SSBP3: variants seen among roughly 807,000 people sequenced by gnomAD.
The protein encoded by SSBP3 is single-stranded DNA-binding protein 3.
A neutral mutation model predicts 69.6 loss-of-function variants in SSBP3; 5 were observed. The observed-to-expected ratio is 0.07, with a 90% CI of 0.04 to 0.15. The LOEUF (loss-of-function observed/expected upper bound fraction) is 0.15, where lower values mean the gene tolerates loss of function less well. Ranked by LOEUF, SSBP3 falls within the 10% of genes least tolerant of loss-of-function variation. SSBP3 has a pLI of 1.00. For missense variants in SSBP3, 312 were observed against 534.0 expected (o/e 0.58, Z 4.10); for synonymous variants, 196 against 193.4 (o/e 1.01, Z -0.11).
intron 17 of SSBP3, 26 bp from the exon 18 acceptor site, chr1:54,227,186 G>GT (rs141516563): frequency 5.2e-6 from 6 of 1,143,782 alleles, no homozygotes; most frequent in African/African-American, 1.6e-5. Flanking sequence ...AGAGAAGGGG[G>GT]GGGGGTGAGG....
intron 4 of SSBP3, among the ~76,000 whole-genome samples, chr1:54,293,401 G>A (rs940538169): frequency 1.3e-5 from 2 of 152,142 alleles, no homozygotes; most frequent in Admixed American, 6.5e-5. Context: ...AAACAAACAC[G>A]GGACTTCTCA....
chr1:54,312,675 A>T (rs1443808998), intron 4 of SSBP3, among the ~76,000 whole-genome samples: 1 of 152,142 alleles, frequency 6.6e-6, no homozygotes, highest in Non-Finnish European at 1.5e-5. Flanking sequence ...CTGTATCCTT[A>T]AGGCTCCCAC....
At position 54,299,261 on chromosome 1, in the gene SSBP3, G is replaced by A. The variant is rs184214826; in HGVS notation, c.277-17734C>T. Among the ~76,000 whole-genome samples the A allele has an allele frequency of 5.9e-5, 9 of 152,206 alleles. No homozygotes were observed. The East Asian group carries it at 1.4e-3, about 23-fold the overall frequency. On this transcript the variant is annotated intron_variant, in intron 4 of 17. Transcript: ENST00000610401. ...TTGCTGCAAGACACTGGTATTTTCC[G>A]CTCCACTTGCCAAGAATGGAGCCAC...
chr1:54,228,916 T>TG, intron 14 of SSBP3, 90 bp from the exon 15 acceptor site: 1 of 1,369,462 alleles, frequency 7.3e-7, no homozygotes, highest in Non-Finnish European at 1.0e-6. Flanking sequence ...GCTTGAGTCC[T>TG]GGCCCTGGGG....
chr1:54,386,379 T>C (rs957709889), intron 4 of SSBP3, among the ~76,000 whole-genome samples: 3 of 152,186 alleles, frequency 2.0e-5, no homozygotes, highest in Admixed American at 1.3e-4. Context: ...CAGCACCTTA[T>C]GGAGCGGTCC....
intron 4 of SSBP3, among the ~76,000 whole-genome samples, chr1:54,369,969 C>A (rs562958489): frequency 7.2e-5 from 11 of 152,264 alleles, no homozygotes; most frequent in African/African-American, 2.6e-4. Flanking sequence ...CAAGAGAAAT[C>A]AAAATGTGGA....
intron 4 of SSBP3, among the ~76,000 whole-genome samples, chr1:54,370,358 T>C (rs1253186229): frequency 6.6e-6 from 1 of 152,208 alleles, no homozygotes; most frequent in Admixed American, 6.5e-5. Context: ...TGCTATTCGA[T>C]TGATAATGGC....
chr1:54,315,299 C>T (rs912949685), intron 4 of SSBP3, among the ~76,000 whole-genome samples: 5 of 152,124 alleles, frequency 3.3e-5, no homozygotes, highest in Non-Finnish European at 7.3e-5. Context: ...CATGCCTGGT[C>T]TACCTCTGTT....
At chr1:54,226,351 G>A (rs1273811787) in exon 18 of SSBP3, 3 of 153,268 alleles carry the variant, frequency 2.0e-5, no homozygotes, top group African/African-American at 7.2e-5. Flanking sequence ...ACAGGATGAG[G>A]GTGCTGGGTT....
At chr1:54,327,280 CAAG>C (rs1646327206) in intron 4 of SSBP3, among the ~76,000 whole-genome samples, 1 of 137,766 alleles carries the variant, frequency 7.3e-6, no homozygotes, top group African/African-American at 2.8e-5. Flanking sequence ...AAAACAACAA[CAAG>C]AACAACAACA....
At chr1:54,345,830 A>G (rs1372558127) in intron 4 of SSBP3, among the ~76,000 whole-genome samples, 1 of 151,564 alleles carries the variant, frequency 6.6e-6, no homozygotes, top group African/African-American at 2.4e-5. Context: ...ACACGGTGAA[A>G]CCCTGTCTCT....
chr1:54,249,270 AAAG>A (rs1350564843), intron 9 of SSBP3, among the ~76,000 whole-genome samples: 3 of 152,192 alleles, frequency 2.0e-5, no homozygotes, highest in South Asian at 2.1e-4. Context: ...AGAAAAAGAG[AAAG>A]AAGAAGAAAT....
At chr1:54,298,024 G>T (rs1353360718) in intron 4 of SSBP3, among the ~76,000 whole-genome samples, 2 of 152,152 alleles carry the variant, frequency 1.3e-5, no homozygotes, top group Non-Finnish European at 2.9e-5. Context: ...AGATGCGCAG[G>T]CCTCTTCTGC....
chr1:54,228,461 G>A (rs772222203), exon 16 of SSBP3: 25 of 1,614,100 alleles, frequency 1.5e-5, no homozygotes, highest in Middle Eastern at 1.6e-4. Flanking sequence ...TTGGAAGTCC[G>A]TCTATGTCGC....
chr1:54,403,108 C>T (rs936629443), intron 3 of SSBP3, among the ~76,000 whole-genome samples: 3 of 152,182 alleles, frequency 2.0e-5, no homozygotes, highest in Non-Finnish European at 2.9e-5. Flanking sequence ...AGTGTCAAAT[C>T]GCACAAACCA....
chr1:54,404,963 G>T, intron 1 of SSBP3, 33 bp from the exon 2 acceptor site: 1 of 1,588,608 alleles, frequency 6.3e-7, no homozygotes, highest in Non-Finnish European at 8.6e-7. Flanking sequence ...AGAGAGAGAG[G>T]GAAAGGCGTC....
At chr1:54,395,244 C>A (rs950601477) in intron 4 of SSBP3, among the ~76,000 whole-genome samples, 2 of 152,222 alleles carry the variant, frequency 1.3e-5, no homozygotes, top group African/African-American at 2.4e-5. Context: ...TCTCTCAAGG[C>A]CGTCCCCATG....
chr1:54,313,105 C>CGGT (rs1646033997), intron 4 of SSBP3, among the ~76,000 whole-genome samples: 1 of 142,918 alleles, frequency 7.0e-6, no homozygotes, highest in African/African-American at 2.7e-5. Context: ...AGGGTTAGGG[C>CGGT]GGTGGAGCCA....
chr1:54,294,175 GAAAGAAAGAAAGAAAGAAAAGAAAA>G (rs1557504946), intron 4 of SSBP3, among the ~76,000 whole-genome samples: 1 of 83,156 alleles, frequency 1.2e-5, no homozygotes, highest in African/African-American at 4.0e-5. Context: ...AAGAAAGAAA[GAAAGAAAGAAAGAAAGAAAAGAAAA>G]AAGAAATCCT....
Sources: allele counts gnomAD v4.1 joint callset (sites outside exome capture counted in the v4.1 genomes callset), GRCh38; gene constraint gnomAD v4.1.1; transcripts MANE v1.5; gene names NCBI Gene and HGNC (gene_info 2026-07-23, HGNC 2026-07-21).